Variants in POU3F3 observed in about 807,000 individuals in gnomAD.
POU3F3 encodes the protein POU class 3 homeobox 3.
POU3F3 carries 1 observed loss-of-function variant against 8.6 expected under a neutral mutation model. That is an observed-to-expected ratio of 0.12 (90% CI 0.04 to 0.55). The LOEUF (loss-of-function observed/expected upper bound fraction) is 0.55, where lower values mean the gene tolerates loss of function less well. Among genes scored for constraint, POU3F3 ranks in the 20% least tolerant of loss-of-function variants. The probability of loss-of-function intolerance (pLI) is 0.91; values close to 1 mark genes in which losing one functional copy is unlikely to be tolerated. For missense variants in POU3F3, 577 were observed against 690.7 expected (o/e 0.84, Z 1.84); for synonymous variants, 418 against 327.4 (o/e 1.28, Z -2.99).
chr2:104,874,280 G>A, the POU3F3 span, among the ~76,000 whole-genome samples: 1 of 152,200 alleles, frequency 6.6e-6, no homozygotes, highest in African/African-American at 2.4e-5. Context: ...AGAGGACAAA[G>A]GAAGTTGGAC....
chr2:104,911,658 A>T, the POU3F3 span, among the ~76,000 whole-genome samples: 2 of 152,090 alleles, frequency 1.3e-5, no homozygotes, highest in African/African-American at 2.4e-5. Flanking sequence ...AATAAAAAAC[A>T]TGAATTTATC....
chr2:104,921,339 T>C, the POU3F3 span, among the ~76,000 whole-genome samples: 1 of 152,208 alleles, frequency 6.6e-6, no homozygotes, highest in African/African-American at 2.4e-5. Context: ...CCCAGGAATC[T>C]GTCTCCCCAC....
the POU3F3 span, among the ~76,000 whole-genome samples, chr2:104,919,977 G>A: frequency 1.2e-3 from 185 of 152,106 alleles, no homozygotes; most frequent in Non-Finnish European, 2.1e-3. Context: ...TTATTTCGGG[G>A]CACAGGAACA....
chr2:104,880,702 G>A, the POU3F3 span, among the ~76,000 whole-genome samples: 4 of 152,166 alleles, frequency 2.6e-5, 1 homozygote, highest in African/African-American at 9.6e-5. Context: ...TTGTCCTAAA[G>A]GTCAGGGTGT....
the POU3F3 span, among the ~76,000 whole-genome samples, chr2:104,891,493 C>T: frequency 1.3e-5 from 2 of 152,094 alleles, no homozygotes; most frequent in Non-Finnish European, 2.9e-5. Flanking sequence ...ACCAAATATT[C>T]GGGCTTGTTT....
the POU3F3 span, among the ~76,000 whole-genome samples, chr2:104,891,940 G>A: frequency 6.6e-6 from 1 of 152,162 alleles, no homozygotes; most frequent in Non-Finnish European, 1.5e-5. Flanking sequence ...ACAGCCTAAA[G>A]CGCATTATGC....
At chr2:104,890,078 G>A in the POU3F3 span, among the ~76,000 whole-genome samples, 45 of 152,216 alleles carry the variant, frequency 3.0e-4, no homozygotes, top group East Asian at 7.8e-4. Flanking sequence ...GTGGTTGACC[G>A]TCACGGGACT....
At chr2:104,922,206 A>G in the POU3F3 span, among the ~76,000 whole-genome samples, 1 of 152,172 alleles carries the variant, frequency 6.6e-6, no homozygotes. Context: ...TGATTACCGG[A>G]GTTACTACAT....
the POU3F3 span, among the ~76,000 whole-genome samples, chr2:104,924,013 T>G: frequency 6.6e-6 from 1 of 152,180 alleles, no homozygotes; most frequent in Non-Finnish European, 1.5e-5. Context: ...GGGGAGTTAG[T>G]GTTTAACGGA....
chr2:104,908,221 A>G, the POU3F3 span, among the ~76,000 whole-genome samples: 1 of 152,204 alleles, frequency 6.6e-6, no homozygotes, highest in Admixed American at 6.5e-5. Flanking sequence ...TCTTTGCAGC[A>G]ACATGCATGA....
chr2:104,920,977 T>C, the POU3F3 span, among the ~76,000 whole-genome samples: 1 of 152,168 alleles, frequency 6.6e-6, no homozygotes, highest in Non-Finnish European at 1.5e-5. Flanking sequence ...CCACACCTCC[T>C]CCCTTTAAGG....
At chr2:104,892,338 T>G in the POU3F3 span, among the ~76,000 whole-genome samples, 2 of 152,178 alleles carry the variant, frequency 1.3e-5, no homozygotes, top group African/African-American at 2.4e-5. Flanking sequence ...GCTTATTCAC[T>G]TCATTAGTGG....
At chr2:104,922,318 G>T in the POU3F3 span, among the ~76,000 whole-genome samples, 1 of 137,356 alleles carries the variant, frequency 7.3e-6, no homozygotes, top group African/African-American at 2.7e-5. Context: ...TAAACCAACA[G>T]AAGCCATCCT....
chr2:104,921,615 G>GGAT, the POU3F3 span, among the ~76,000 whole-genome samples: 214 of 152,222 alleles, frequency 1.4e-3, 1 homozygote, highest in African/African-American at 4.7e-3. Context: ...AACTTCCAGG[G>GGAT]GATTTAATAG....
the POU3F3 span, among the ~76,000 whole-genome samples, chr2:104,892,057 C>A: frequency 2.7e-4 from 41 of 152,310 alleles, no homozygotes; most frequent in Non-Finnish European, 5.4e-4. Context: ...TCCGATCAAA[C>A]CCCCTGATGA....
At chr2:104,892,177 TG>T in the POU3F3 span, among the ~76,000 whole-genome samples, 2 of 152,162 alleles carry the variant, frequency 1.3e-5, no homozygotes, top group Admixed American at 6.5e-5. Flanking sequence ...AGTGACAGGA[TG>T]GGACAGAGTG....
chr2:104,885,793 T>G, the POU3F3 span, among the ~76,000 whole-genome samples: 1 of 150,844 alleles, frequency 6.6e-6, no homozygotes, highest in East Asian at 2.0e-4. Flanking sequence ...AGCCATTCTT[T>G]CCTTTCTTTC....
At chr2:104,909,674 C>A in the POU3F3 span, among the ~76,000 whole-genome samples, 4 of 152,258 alleles carry the variant, frequency 2.6e-5, no homozygotes, top group Non-Finnish European at 5.9e-5. Flanking sequence ...CCACAGTCAA[C>A]TCCCATTTTG....
the POU3F3 span, among the ~76,000 whole-genome samples, chr2:104,880,563 C>G: frequency 6.6e-6 from 1 of 152,166 alleles, no homozygotes; most frequent in South Asian, 2.1e-4. Context: ...GTGACTGCCT[C>G]CCTGCAAGTG....
Sources: gnomAD v4.1 joint callset for allele counts (sites outside exome capture counted in the v4.1 genomes callset) on GRCh38, gnomAD v4.1.1 for gene constraint, MANE v1.5 for transcripts, NCBI Gene and HGNC (gene_info 2026-07-23, HGNC 2026-07-21) for gene names.